COG5: variants seen among roughly 807,000 people sequenced by gnomAD.
COG5 encodes the protein conserved oligomeric Golgi complex subunit 5.
COG5 carries 86 observed loss-of-function variants against 110.4 expected under a neutral mutation model. The observed-to-expected ratio is 0.78, with a 90% confidence interval of 0.65 to 0.93. COG5 has a LOEUF of 0.93. COG5 is among the 40% of genes least tolerant of loss of function. The pLI is 0.00. For missense variants in COG5, 1,077 were observed against 987.0 expected (o/e 1.09, Z -1.22); for synonymous variants, 360 against 334.6 (o/e 1.08, Z -0.83).
chr7:107,519,871 T>A (rs532561719), intron 6 of COG5, among the ~76,000 whole-genome samples: 34 of 152,254 alleles, frequency 2.2e-4, no homozygotes, highest in African/African-American at 7.2e-4. Context: ...ATATCCCTGA[T>A]GAACATCGAT....
At chr7:107,342,783 T>G (rs1231525899) in intron 10 of COG5, among the ~76,000 whole-genome samples, 1 of 152,152 alleles carries the variant, frequency 6.6e-6, no homozygotes, top group East Asian at 1.9e-4. Context: ...TGTAAATTAG[T>G]TCAGCCATTA....
intron 5 of COG5, among the ~76,000 whole-genome samples, chr7:107,541,523 A>AATATATATATATATATATATAT (rs1554460370): frequency 4.8e-3 from 275 of 56,834 alleles, no homozygotes; most frequent in Non-Finnish European, 7.2e-3. Context: ...AAAAAAAAAA[A>AATATATATATATATATATATAT]ATATATATAT....
intron 15 of COG5, among the ~76,000 whole-genome samples, chr7:107,257,261 C>T (rs1283175492): frequency 6.6e-6 from 1 of 152,000 alleles, no homozygotes; most frequent in Admixed American, 6.6e-5. Context: ...CTAGATAGAA[C>T]ACAATCTTTC....
chr7:107,409,472 G>A (rs1792118459), intron 7 of COG5, among the ~76,000 whole-genome samples: 1 of 151,280 alleles, frequency 6.6e-6, no homozygotes, highest in Non-Finnish European at 1.5e-5. Context: ...GGGACTATAT[G>A]AGAAGTCAAG....
At chr7:107,395,852 G>C (rs1284222409) in intron 7 of COG5, among the ~76,000 whole-genome samples, 1 of 152,062 alleles carries the variant, frequency 6.6e-6, no homozygotes, top group African/African-American at 2.4e-5. Flanking sequence ...ACTGCGCCCA[G>C]ACAAAGCAGA....
chr7:107,557,593 T>C (rs1400395829), intron 2 of COG5, among the ~76,000 whole-genome samples: 1 of 152,240 alleles, frequency 6.6e-6, no homozygotes, highest in Admixed American at 6.5e-5. Context: ...TTTCAGCAAA[T>C]GCTACACTTT....
chr7:107,502,998 G>C (rs1414455950), intron 6 of COG5, among the ~76,000 whole-genome samples: 5 of 152,026 alleles, frequency 3.3e-5, no homozygotes, highest in African/African-American at 1.2e-4. Context: ...TTTTGCTGTA[G>C]AGAAGCTATT....
intron 6 of COG5, among the ~76,000 whole-genome samples, chr7:107,452,953 G>C (rs1232328978): frequency 6.6e-6 from 1 of 152,114 alleles, no homozygotes; most frequent in African/African-American, 2.4e-5. Flanking sequence ...CTGCAGACTA[G>C]TGTCTGTCTT....
intron 21 of COG5, among the ~76,000 whole-genome samples, chr7:107,204,841 T>C (rs532988648): frequency 6.6e-6 from 1 of 152,358 alleles, no homozygotes; most frequent in South Asian, 2.1e-4. Flanking sequence ...GACAGTTTTA[T>C]CTGACTTGCT....
intron 6 of COG5, among the ~76,000 whole-genome samples, chr7:107,436,940 T>C (rs921453559): frequency 4.6e-5 from 7 of 152,320 alleles, no homozygotes; most frequent in Middle Eastern, 3.4e-3. Context: ...AAGAAGTCAA[T>C]GTCCATTTAC....
intron 8 of COG5, among the ~76,000 whole-genome samples, chr7:107,370,831 T>C (rs997751404): frequency 6.8e-6 from 1 of 148,084 alleles, no homozygotes; most frequent in Admixed American, 6.7e-5. Flanking sequence ...CACACAATAA[T>C]TGTGATTATG....
chr7:107,262,017 G>A (rs1231804401), intron 14 of COG5, among the ~76,000 whole-genome samples: 1 of 151,326 alleles, frequency 6.6e-6, no homozygotes, highest in Non-Finnish European at 1.5e-5. Flanking sequence ...CAGCCTCCTG[G>A]GTAGCTGGGA....
chr7:107,386,001 TG>T, intron 7 of COG5, among the ~76,000 whole-genome samples: 1 of 151,322 alleles, frequency 6.6e-6, no homozygotes, highest in East Asian at 1.9e-4. Context: ...TGTGTGTGTG[TG>T]TGTGTGTGTG....
intron 11 of COG5, among the ~76,000 whole-genome samples, chr7:107,302,863 A>G (rs1170632149): frequency 6.6e-6 from 1 of 152,118 alleles, no homozygotes; most frequent in African/African-American, 2.4e-5. Context: ...TCACCCTATA[A>G]TATTTGGAGG....
chr7:107,435,915 G>C (rs1794335790), intron 6 of COG5, among the ~76,000 whole-genome samples: 1 of 152,112 alleles, frequency 6.6e-6, no homozygotes. Context: ...ATGAATGAAG[G>C]ATAAAGAAAA....
intron 11 of COG5, among the ~76,000 whole-genome samples, chr7:107,307,798 C>CA (rs1334606757): frequency 6.9e-6 from 1 of 145,364 alleles, no homozygotes; most frequent in African/African-American, 2.5e-5. Context: ...TAGAAGACTA[C>CA]ATATTGGGTA....
chr7:107,229,431 G>C (rs552787215), intron 19 of COG5, among the ~76,000 whole-genome samples: 1 of 152,278 alleles, frequency 6.6e-6, no homozygotes, highest in Admixed American at 6.5e-5. Flanking sequence ...CCTGGTGACA[G>C]AGCAAGACTC....
chr7:107,299,210 T>C (rs906811789), intron 11 of COG5, among the ~76,000 whole-genome samples: 4 of 150,954 alleles, frequency 2.6e-5, no homozygotes, highest in Non-Finnish European at 5.9e-5. Context: ...AACCAGAAAA[T>C]GAAAACAAGA....
chr7:107,204,526 A>C (rs1362523388), intron 21 of COG5, among the ~76,000 whole-genome samples: 1 of 152,178 alleles, frequency 6.6e-6, no homozygotes, highest in East Asian at 1.9e-4. Context: ...TTTTCTTCAA[A>C]ATTTCAGTTT....
Sources: gnomAD v4.1 joint callset for allele counts (sites outside exome capture counted in the v4.1 genomes callset) on GRCh38, gnomAD v4.1.1 for gene constraint, MANE v1.5 for transcripts, NCBI Gene and HGNC (gene_info 2026-07-23, HGNC 2026-07-21) for gene names.